Variants in SNTB2 observed in about 807,000 individuals in gnomAD.
SNTB2 encodes syntrophin beta 2.
A neutral mutation model predicts 46.2 loss-of-function variants in SNTB2; 34 were observed. That is an observed-to-expected ratio of 0.74 (90% CI 0.56 to 0.98). SNTB2 has a LOEUF of 0.98. Ranked by LOEUF, SNTB2 falls within the 50% of genes least tolerant of loss-of-function variation. The probability of loss-of-function intolerance (pLI) is 0.00; values close to 1 mark genes in which losing one functional copy is unlikely to be tolerated. For missense variants in SNTB2, 603 were observed against 731.4 expected (o/e 0.82, Z 2.02); for synonymous variants, 290 against 312.6 (o/e 0.93, Z 0.76).
chr16:69,262,468 T>C (rs1180306227), intron 3 of SNTB2, among the ~76,000 whole-genome samples: 2 of 152,136 alleles, frequency 1.3e-5, no homozygotes, highest in African/African-American at 4.8e-5. Flanking sequence ...TTTGGTTTTT[T>C]GTTTGTTTTG....
chr16:69,209,335 T>C (rs1411710636), intron 1 of SNTB2, among the ~76,000 whole-genome samples: 1 of 152,214 alleles, frequency 6.6e-6, no homozygotes, highest in East Asian at 1.9e-4. Flanking sequence ...TAGCCTGAAC[T>C]ATCATTGCTG....
chr16:69,214,114 C>T (rs1026610830), intron 1 of SNTB2, among the ~76,000 whole-genome samples: 3 of 150,036 alleles, frequency 2.0e-5, no homozygotes, highest in Admixed American at 6.7e-5. Context: ...TGAGCCACCA[C>T]GCCCAGCCTT....
chr16:69,199,873 T>A (rs772539639), intron 1 of SNTB2, among the ~76,000 whole-genome samples: 5 of 151,970 alleles, frequency 3.3e-5, no homozygotes, highest in Non-Finnish European at 7.4e-5. Flanking sequence ...GGGGGACTTT[T>A]AAAAAATGTT....
At chr16:69,251,072 G>A (rs1026021421) in intron 2 of SNTB2, among the ~76,000 whole-genome samples, 7 of 145,902 alleles carry the variant, frequency 4.8e-5, no homozygotes, top group South Asian at 2.2e-4. Context: ...TCCGCCTCCC[G>A]GGTTCACGCC....
intron 1 of SNTB2, among the ~76,000 whole-genome samples, chr16:69,244,624 C>T (rs1964651804): frequency 1.3e-5 from 2 of 152,252 alleles, no homozygotes; most frequent in South Asian, 2.1e-4. Flanking sequence ...TAAATTTGAA[C>T]TTAAAAAAGC....
intron 1 of SNTB2, among the ~76,000 whole-genome samples, chr16:69,241,695 C>T (rs111625155): frequency 0.026 from 3,956 of 151,060 alleles, 58 homozygotes; most frequent in African/African-American, 0.036. Context: ...TTTGGGAGGC[C>T]AAGGCGGGTG....
chr16:69,187,459 C>T lies in SNTB2; in HGVS notation c.293C>T (p.Ala98Val), dbSNP rs988205328. 16 of 1,180,442 alleles carry T rather than the reference C, an allele frequency of 1.4e-5. No homozygotes were observed. The highest frequency in any genetic ancestry group is 1.6e-5 in the African/African-American group (1 of 62,032). 73.1% of individuals were successfully genotyped at this position (1,180,442 alleles called of 1,614,324 possible). Residue 98 changes from alanine (A) to valine (V), a missense_variant, in exon 1 of 7, where the codon GCG (alanine) becomes GTG (valine). This residue lies in a region of SNTB2 where 537 missense variants were observed against 692.4 expected (regional missense o/e 0.78). Transcript: ENST00000336278. ...SRGLGPPSPPAPPRGPAGEAG... is the reference protein window; with the variant it reads ...SRGLGPPSPPVPPRGPAGEAG... ...GGCCTGGGGCCCCCGAGCCCGCCGG[C>T]GCCGCCTCGGGGCCCCGCGGGTGAG...
At chr16:69,285,939 C>T (rs931409563) in intron 5 of SNTB2, among the ~76,000 whole-genome samples, 4 of 152,126 alleles carry the variant, frequency 2.6e-5, no homozygotes, top group African/African-American at 9.7e-5. Context: ...ATTACAGGCA[C>T]CTGCCATCAT....
chr16:69,300,921 A>G lies in SNTB2; in HGVS notation c.1620A>G (p.Val540=), dbSNP rs780105798. The G allele has an allele frequency of 1.1e-5, 17 of 1,597,592 alleles. No homozygotes were observed. Among genetic ancestry groups the G allele is most frequent in the Admixed American group, 1.7e-5 (1 of 59,606 alleles). ...SAKVTRMGLL[V] The stretch of plus-strand genomic sequence containing the variant: ...AAGTCACTCGTATGGGACTGCTTGT[A>G]TGAGCAACAAAAAATCAGAAAAGAG... The change falls in exon 7 of 7, where the codon GTA becomes GTG. Residue 540 remains valine, a synonymous_variant. Transcript: ENST00000336278.
intron 1 of SNTB2, among the ~76,000 whole-genome samples, chr16:69,201,831 T>G (rs570447450): frequency 6.6e-6 from 1 of 152,188 alleles, no homozygotes; most frequent in Non-Finnish European, 1.5e-5. Flanking sequence ...TATTATTATT[T>G]TTTTTGAGTG....
chr16:69,243,429 C>T (rs944397257), intron 1 of SNTB2, among the ~76,000 whole-genome samples: 2 of 152,172 alleles, frequency 1.3e-5, no homozygotes, highest in Non-Finnish European at 2.9e-5. Flanking sequence ...TAAGGCAATA[C>T]ATAAATTGTA....
chr16:69,273,636 G>A (rs1964959571), intron 4 of SNTB2, among the ~76,000 whole-genome samples: 1 of 152,106 alleles, frequency 6.6e-6, no homozygotes, highest in East Asian at 1.9e-4. Context: ...TGTGGTGATG[G>A]TTGCAAAATT....
intron 2 of SNTB2, among the ~76,000 whole-genome samples, chr16:69,248,005 CCT>C (rs1964686849): frequency 3.3e-5 from 5 of 152,116 alleles, no homozygotes; most frequent in Non-Finnish European, 5.9e-5. Flanking sequence ...CACCTGTAGT[CCT>C]AGCTACTTGG....
intron 1 of SNTB2, among the ~76,000 whole-genome samples, chr16:69,201,281 T>A (rs1964158943): frequency 6.6e-6 from 1 of 152,206 alleles, no homozygotes; most frequent in Admixed American, 6.5e-5. Context: ...CTAGAAGGAC[T>A]CCTCATTAAC....
At chr16:69,207,154 C>CTTTCTTTTTTTT (rs771500331) in intron 1 of SNTB2, among the ~76,000 whole-genome samples, 1 of 126,446 alleles carries the variant, frequency 7.9e-6, no homozygotes, top group African/African-American at 3.0e-5. Flanking sequence ...TTCTTTCTTT[C>CTTTCTTTTTTTT]TTTTTTTTTT....
intron 1 of SNTB2, among the ~76,000 whole-genome samples, chr16:69,208,839 CA>C (rs71148972): frequency 0.22 from 30,383 of 139,332 alleles, 3,198 homozygotes; most frequent in African/African-American, 0.29. Flanking sequence ...ACTAAAAATA[CA>C]AAAAAAAAAA....
chr16:69,190,876 G>A (rs1430309393), intron 1 of SNTB2, among the ~76,000 whole-genome samples: 1 of 152,086 alleles, frequency 6.6e-6, no homozygotes, highest in Non-Finnish European at 1.5e-5. Flanking sequence ...CTCCCTCAAA[G>A]TTGTTAATTC....
At chr16:69,194,607 T>C (rs1964085591) in intron 1 of SNTB2, among the ~76,000 whole-genome samples, 1 of 152,200 alleles carries the variant, frequency 6.6e-6, no homozygotes, top group African/African-American at 2.4e-5. Flanking sequence ...CTTTGTAATA[T>C]CTCTTTCCCA....
rs1964924017 is a variant in SNTB2, at chr16:69,270,140, C to T, written c.1006-3C>T. On this transcript the variant is annotated splice_polypyrimidine_tract_variant and splice_region_variant and intron_variant, in intron 3 of 6. Coordinates refer to ENST00000336278, the MANE Select transcript of SNTB2 (RefSeq NM_006750.4). ...TGATTTCTGAATTTTTCCATTGTAA[C>T]AGGCAAAACTAGATGGTGGAAGACA... The T allele has an allele frequency of 1.2e-6, 2 of 1,613,666 alleles. No individual in the cohort carries two copies. The highest frequency in any genetic ancestry group is 1.7e-6 in the Non-Finnish European group (2 of 1,179,800).
Sources: gnomAD v4.1 joint callset for allele counts (sites outside exome capture counted in the v4.1 genomes callset) on GRCh38, gnomAD v4.1.1 for gene constraint, gnomAD v4.1.1 regional missense constraint, MANE v1.5 for transcripts, NCBI Gene and HGNC (gene_info 2026-07-23, HGNC 2026-07-21) for gene names.